GAD2: variants seen among roughly 807,000 people sequenced by gnomAD.
GAD2 encodes 65 kDa glutamic acid decarboxylase.
A neutral mutation model predicts 80.1 loss-of-function variants in GAD2; 22 were observed. That is an observed-to-expected ratio of 0.27 (90% CI 0.20 to 0.39). GAD2 has a LOEUF of 0.39. GAD2 is among the 10% of genes least tolerant of loss of function. The pLI, the probability that GAD2 is intolerant of heterozygous loss-of-function variation, is 1.00. For missense variants in GAD2, 624 were observed against 738.4 expected, an observed-to-expected ratio of 0.85 and a Z score of 1.80; for synonymous variants, 274 against 256.9, an observed-to-expected ratio of 1.07 and a Z score of -0.64.
At chr10:26,228,274 G>A (rs1844554335) in intron 6 of GAD2, among the ~76,000 whole-genome samples, 1 of 152,202 alleles carries the variant, frequency 6.6e-6, no homozygotes, top group South Asian at 2.1e-4. Flanking sequence ...TGCTTGTCAA[G>A]TGAGACTCTA....
intron 6 of GAD2, among the ~76,000 whole-genome samples, chr10:26,226,794 G>A (rs1479364986): frequency 6.6e-6 from 1 of 152,110 alleles, no homozygotes; most frequent in Admixed American, 6.5e-5. Flanking sequence ...AAGTCCTTTA[G>A]GACTCCTAGA....
At chr10:26,300,234 C>T (rs1834314210) in intron 15 of GAD2, among the ~76,000 whole-genome samples, 1 of 152,074 alleles carries the variant, frequency 6.6e-6, no homozygotes. Context: ...CTTTTTGTCC[C>T]AGCTAATTAT....
Position 26,217,945 on chromosome 10 carries a change from C to G in GAD2, c.240C>G (p.Cys80Trp). The change falls in exon 3 of 16, where the codon TGC (cysteine) becomes TGG (tryptophan). Residue 80 changes from cysteine (C) to tryptophan (W), a missense_variant. By Grantham distance (215) the Cys-to-Trp change is radical. Coordinates refer to ENST00000376261, the MANE Select transcript of GAD2 (RefSeq NM_001134366.2). This position sits in a 1 kb window ranked among gnomAD's most constrained non-coding sequence, Gnocchi z 4.9. ...CCTGCGCCTGCGACCAGAAGCCCTG[C>G]AGCTGCTCCAAAGTGGATGTCAACT... ...KAACACDQKP[C>W]SCSKVDVNYA... The G allele has an allele frequency of 6.2e-7, 1 of 1,612,036 alleles. No individual in the cohort carries two copies. The highest frequency in any genetic ancestry group is 8.5e-7 in the Non-Finnish European group (1 of 1,179,216).
intron 8 of GAD2, among the ~76,000 whole-genome samples, chr10:26,259,666 C>T (rs946409409): frequency 2.0e-5 from 3 of 152,058 alleles, no homozygotes; most frequent in Admixed American, 2.0e-4. Context: ...TTCCTTCTTA[C>T]TCTGTTGATA....
chr10:26,241,118 AAATT>A (rs1844737177), intron 7 of GAD2, among the ~76,000 whole-genome samples: 1 of 152,220 alleles, frequency 6.6e-6, no homozygotes, highest in Admixed American at 6.5e-5. Flanking sequence ...GTAGAAAATA[AAATT>A]ATTTGGGCTT....
chr10:26,285,777 T>A (rs1845325288), intron 12 of GAD2, among the ~76,000 whole-genome samples: 1 of 152,092 alleles, frequency 6.6e-6, no homozygotes, highest in African/African-American at 2.4e-5. Flanking sequence ...GGTTTTTTTT[T>A]TTTTTAGATT....
At chr10:26,274,262 G>A (rs984893133) in intron 11 of GAD2, among the ~76,000 whole-genome samples, 1 of 152,124 alleles carries the variant, frequency 6.6e-6, no homozygotes, top group Non-Finnish European at 1.5e-5. Context: ...ACACAGCTCC[G>A]ACTGATGCTG....
At chr10:26,282,013 G>A (rs941014102) in intron 12 of GAD2, among the ~76,000 whole-genome samples, 2 of 152,040 alleles carry the variant, frequency 1.3e-5, no homozygotes, top group African/African-American at 4.8e-5. Flanking sequence ...TGCGATCTTG[G>A]CACACTGCGA....
chr10:26,276,113 C>G (rs893981218), intron 11 of GAD2, among the ~76,000 whole-genome samples: 1 of 151,968 alleles, frequency 6.6e-6, no homozygotes, highest in Non-Finnish European at 1.5e-5. Flanking sequence ...CTACAGTGAG[C>G]TATGATGGCA....
At chr10:26,219,993 C>G (rs564292373) in intron 4 of GAD2, among the ~76,000 whole-genome samples, 2 of 152,240 alleles carry the variant, frequency 1.3e-5, no homozygotes, top group East Asian at 3.9e-4. Flanking sequence ...TTTGTGGTCT[C>G]TTGGCTTTTC....
chr10:26,241,677 A>G (rs1270711780), intron 7 of GAD2, among the ~76,000 whole-genome samples: 1 of 152,146 alleles, frequency 6.6e-6, no homozygotes, highest in African/African-American at 2.4e-5. Flanking sequence ...ATGCACATGC[A>G]TGAGTGTGCA....
chr10:26,281,122 C>A, intron 12 of GAD2, 35 bp downstream of exon 12: 1 of 1,484,882 alleles, frequency 6.7e-7, no homozygotes, highest in Non-Finnish European at 9.4e-7. Context: ...CCAGTCCGTG[C>A]GTGGGCTTTG....
At chr10:26,268,597 G>A (rs1406771965) in intron 8 of GAD2, among the ~76,000 whole-genome samples, 1 of 152,120 alleles carries the variant, frequency 6.6e-6, no homozygotes, top group South Asian at 2.1e-4. Flanking sequence ...TGAAACTTGA[G>A]CCCATGAATT....
chr10:26,300,125 G>T (rs1455281131), intron 15 of GAD2, among the ~76,000 whole-genome samples: 1 of 151,888 alleles, frequency 6.6e-6, no homozygotes, highest in Non-Finnish European at 1.5e-5. Context: ...AGCTACTGAG[G>T]CTATAATCAA....
At chr10:26,237,246 G>T (rs1011384661) in intron 7 of GAD2, among the ~76,000 whole-genome samples, 1 of 152,166 alleles carries the variant, frequency 6.6e-6, no homozygotes, top group Non-Finnish European at 1.5e-5. Flanking sequence ...TGTTCCCAGT[G>T]CCAGGTCAAA....
At position 26,300,792 on chromosome 10, in the gene GAD2, C is replaced by T; in HGVS notation, c.1589C>T (p.Ala530Val). Residue 530 changes from alanine (A) to valine (V), a missense_variant, in exon 16 of 16, where the codon GCT (alanine) becomes GTT (valine). Coordinates refer to ENST00000376261, the MANE Select transcript of GAD2 (RefSeq NM_001134366.2). ...CTGATATGGTCTGTCCCACAGGTGG[C>T]TCCAGTGATTAAAGCCAGAATGATG... Reference protein sequence around the residue: ...EERMSRLSKVAPVIKARMMEY... With the variant: ...EERMSRLSKVVPVIKARMMEY... The T allele has an allele frequency of 1.9e-6, 3 of 1,613,438 alleles. No homozygotes were observed. The highest frequency in any genetic ancestry group is 2.5e-6 in the Non-Finnish European group (3 of 1,179,538).
chr10:26,246,130 C>T (rs1844806378), intron 8 of GAD2, 130 bp downstream of exon 8: 4 of 667,924 alleles, frequency 6.0e-6, no homozygotes, highest in South Asian at 2.0e-5. Context: ...CTGCAGCCTT[C>T]GTTTCTTTTT....
intron 12 of GAD2, among the ~76,000 whole-genome samples, chr10:26,285,063 G>A (rs895020684): frequency 1.3e-5 from 2 of 152,116 alleles, no homozygotes; most frequent in Non-Finnish European, 2.9e-5. Flanking sequence ...AAAAGTGAGT[G>A]TTGCAAATTT....
At chr10:26,228,088 C>T (rs1254699791) in intron 6 of GAD2, among the ~76,000 whole-genome samples, 1 of 152,260 alleles carries the variant, frequency 6.6e-6, no homozygotes, top group Non-Finnish European at 1.5e-5. Context: ...TAACTCACAA[C>T]ACTCACGTGA....
Sources: gnomAD v4.1 joint callset for allele counts (sites outside exome capture counted in the v4.1 genomes callset) on GRCh38, gnomAD v4.1.1 for gene constraint, Gnocchi (gnomAD v3.1) non-coding constraint, MANE v1.5 for transcripts, NCBI Gene and HGNC (gene_info 2026-07-23, HGNC 2026-07-21) for gene names.